LIPT1: variants seen among roughly 807,000 people sequenced by gnomAD.
LIPT1 encodes the protein lipoyl amidotransferase LIPT1, mitochondrial.
Under a neutral mutation model 25.1 loss-of-function variants are expected in LIPT1, and 22 were observed. That is an observed-to-expected ratio of 0.88 (90% CI 0.63 to 1.25). The LOEUF is 1.25. Among genes scored for constraint, LIPT1 ranks in the 50% most tolerant of loss-of-function variants. The pLI, the probability that LIPT1 is intolerant of heterozygous loss-of-function variation, is 0.00. For synonymous variants in LIPT1, 131 were observed against 150.8 expected (o/e 0.87, Z 0.96); for missense variants, 399 against 432.8 (o/e 0.92, Z 0.69).
At chr2:99,159,271 G>A (rs1040930960) in intron 1 of LIPT1, among the ~76,000 whole-genome samples, 11 of 152,062 alleles carry the variant, frequency 7.2e-5, no homozygotes, top group Non-Finnish European at 1.3e-4. Context: ...CACTGTGTTA[G>A]CCAGGATGGT....
intron 1 of LIPT1, among the ~76,000 whole-genome samples, chr2:99,158,482 A>AG (rs2093767457): frequency 6.6e-6 from 1 of 151,616 alleles, no homozygotes; most frequent in Non-Finnish European, 1.5e-5. Flanking sequence ...TGCTGGCTAA[A>AG]GGGGGAGGAT....
In LIPT1 at chr2:99,162,785, T is replaced by C. The variant is rs779985498; in HGVS notation, c.828T>C (p.Thr276=). ...LQTWEWIYGK[T]PKFSINTSFH... is the part of the protein sequence containing the mutation. ...CTTGGGAGTGGATATATGGCAAAAC[T>C]CCAAAGTTTAGTATAAATACTTCCT... The change falls in exon 2 of 2, where the codon ACT becomes ACC. Residue 276 remains threonine, a synonymous_variant. Coordinates refer to ENST00000651691, the MANE Select transcript of LIPT1 (RefSeq NM_145199.3). 1 of 1,614,010 alleles carries C rather than the reference T, an allele frequency of 6.2e-7. No homozygotes were observed. Among genetic ancestry groups the C allele is most frequent in the East Asian group, 2.2e-5 (1 of 44,890 alleles).
intron 1 of LIPT1, among the ~76,000 whole-genome samples, chr2:99,159,655 C>G (rs1056388010): frequency 2.6e-5 from 4 of 152,286 alleles, no homozygotes; most frequent in Admixed American, 2.6e-4. Context: ...TTTCTATCTC[C>G]TTATTACCTT....
intron 1 of LIPT1, among the ~76,000 whole-genome samples, chr2:99,158,517 T>C (rs1461991282): frequency 1.3e-5 from 2 of 151,692 alleles, no homozygotes; most frequent in African/African-American, 4.8e-5. Flanking sequence ...AGGTCGGGGC[T>C]GCAGTGAGCC....
chr2:99,156,874 G>A (rs1197010712), intron 1 of LIPT1: 1 of 152,178 alleles, frequency 6.6e-6, no homozygotes, highest in Non-Finnish European at 1.5e-5. Context: ...ACTTTGATGT[G>A]TCTTGGTTAG....
In LIPT1 at chr2:99,162,186, C is replaced by T. The variant is rs1334771657; in HGVS notation, c.229C>T (p.His77Tyr). 23 of 1,613,934 alleles carry T rather than the reference C, an allele frequency of 1.4e-5. No individual in the cohort carries two copies. Among genetic ancestry groups the T allele is most frequent in the Admixed American group, 3.3e-5 (2 of 59,992 alleles). ...QNSPSVVIGR[H>Y]QNPWQECNLN... ...TTCTCCCTCTGTTGTAATTGGTAGG[C>T]ATCAAAATCCTTGGCAGGAATGTAA... The change falls in exon 2 of 2, where the codon CAT (histidine) becomes TAT (tyrosine). Residue 77 changes from histidine (H) to tyrosine (Y), a missense_variant. His to Tyr is a moderately conservative substitution (Grantham distance 83, BLOSUM62 2). Coordinates refer to ENST00000651691, the MANE Select transcript of LIPT1 (RefSeq NM_145199.3).
At chr2:99,155,415 C>A (rs964774598) in intron 1 of LIPT1, 2 of 451,346 alleles carry the variant, frequency 4.4e-6, no homozygotes, top group African/African-American at 4.0e-5. Context: ...AGGGTCTTGG[C>A]GAGGTCTTAT....
At chr2:99,158,670 A>G (rs953837085) in intron 1 of LIPT1, among the ~76,000 whole-genome samples, 1 of 152,198 alleles carries the variant, frequency 6.6e-6, no homozygotes, top group Non-Finnish European at 1.5e-5. Flanking sequence ...AGCCAGTAGA[A>G]TTAAATTATT....
At chr2:99,155,184 C>G (rs952601161) in intron 1 of LIPT1, 133 bp downstream of exon 1, 1 of 408,224 alleles carries the variant, frequency 2.4e-6, no homozygotes, top group African/African-American at 2.1e-5. Context: ...GGTGTTGAAG[C>G]CTCTTGTGTG....
chr2:99,159,546 G>A (rs1444468637), intron 1 of LIPT1, among the ~76,000 whole-genome samples: 1 of 152,214 alleles, frequency 6.6e-6, no homozygotes, highest in Non-Finnish European at 1.5e-5. Flanking sequence ...TCGTATAACA[G>A]CTGAGTTAAC....
rs752632750 is a variant in LIPT1, at chr2:99,162,367, T to C, written c.410T>C (p.Leu137Pro). Residue 137 changes from leucine to proline, a missense_variant, in exon 2 of 2, where the codon CTG becomes CCG. Transcript: ENST00000651691. ...MENLKLIVRA[L>P]NAVQPQLDVQ... The stretch of plus-strand genomic sequence containing the variant: ...AATCTGAAATTAATTGTGAGAGCTC[T>C]GAATGCTGTCCAACCCCAGCTGGAT... 6.2e-7 allele frequency: 1 copy of C among 1,614,024 alleles called. No individual in the cohort carries two copies. Among genetic ancestry groups the C allele is most frequent in the Non-Finnish European group, 8.5e-7 (1 of 1,180,014 alleles).
Position 99,162,827 on chromosome 2 carries a change from A to G in LIPT1, c.870A>G (p.Glu290=). ...SINTSFHVLY[E]QSHLEIKVFI... ...ATACTTCCTTTCATGTGTTATATGA[A>G]CAGTCACACTTGGAAATTAAAGTAT... The change falls in exon 2 of 2, where the codon GAA becomes GAG. Residue 290 remains glutamate, a synonymous_variant. Transcript: ENST00000651691. 6.2e-7 allele frequency: 1 copy of G among 1,613,980 alleles called. No individual in the cohort carries two copies. Among genetic ancestry groups the G allele is most frequent in the Non-Finnish European group, 8.5e-7 (1 of 1,179,866 alleles).
chr2:99,156,024 A>T (rs2105181644), intron 1 of LIPT1, among the ~76,000 whole-genome samples: 1 of 152,344 alleles, frequency 6.6e-6, no homozygotes, highest in African/African-American at 2.4e-5. Flanking sequence ...ATAAGCTGGC[A>T]GTCAGGGATT....
chr2:99,160,084 A>G (rs1428345046), intron 1 of LIPT1, among the ~76,000 whole-genome samples: 2 of 152,260 alleles, frequency 1.3e-5, no homozygotes, highest in Non-Finnish European at 2.9e-5. Context: ...TCTTTAATCT[A>G]GAATTGTACT....
intron 1 of LIPT1, among the ~76,000 whole-genome samples, chr2:99,157,850 C>T (rs1409175091): frequency 6.6e-6 from 1 of 152,158 alleles, no homozygotes; most frequent in African/African-American, 2.4e-5. Context: ...TGCCGTTGGC[C>T]GCTAGTTCAA....
intron 1 of LIPT1, among the ~76,000 whole-genome samples, chr2:99,160,272 G>T (rs1056119766): frequency 2.0e-5 from 3 of 152,156 alleles, no homozygotes; most frequent in Non-Finnish European, 4.4e-5. Context: ...GCCAGGCATG[G>T]TGGCGCATAC....
intron 1 of LIPT1, among the ~76,000 whole-genome samples, chr2:99,157,881 T>C (rs750178605): frequency 6.6e-6 from 1 of 152,208 alleles, no homozygotes; most frequent in Non-Finnish European, 1.5e-5. Context: ...GAACCAATTA[T>C]CTTAACCCCA....
rs2105202311 is a variant in LIPT1, at chr2:99,162,746, C to T, written c.789C>T (p.Ala263=). The T allele has an allele frequency of 1.2e-6, 2 of 1,614,004 alleles. No individual in the cohort carries two copies. Among genetic ancestry groups the T allele is most frequent in the African/African-American group, 2.7e-5 (2 of 74,994 alleles). The change falls in exon 2 of 2, where the codon GCC becomes GCT. Residue 263 remains alanine, a synonymous_variant. Coordinates refer to ENST00000651691, the MANE Select transcript of LIPT1 (RefSeq NM_145199.3). ...TGTTTCCTGGAATAAATAGCAAAGC[C>T]AAAGAACTGCAAACTTGGGAGTGGA... ...ETLFPGINSK[A]KELQTWEWIY... is the part of the protein sequence containing the mutation.
At chr2:99,156,801 A>G (rs914458122) in intron 1 of LIPT1, 1 of 152,224 alleles carries the variant, frequency 6.6e-6, no homozygotes, top group Non-Finnish European at 1.5e-5. Flanking sequence ...GAACCCTAAC[A>G]AGATCACATT....
Sources: gnomAD v4.1 joint callset for allele counts (sites outside exome capture counted in the v4.1 genomes callset) on GRCh38, gnomAD v4.1.1 for gene constraint, MANE v1.5 for transcripts, NCBI Gene and HGNC (gene_info 2026-07-23, HGNC 2026-07-21) for gene names.